Variants in PLXNA4 observed in about 807,000 individuals in gnomAD.
PLXNA4 encodes the protein plexin A4.
PLXNA4 carries 44 observed loss-of-function variants against 191.8 expected under a neutral mutation model. The ratio of observed to expected loss-of-function variants is 0.23; its 90% CI spans 0.18 to 0.29. The LOEUF (loss-of-function observed/expected upper bound fraction) is 0.29, where lower values mean the gene tolerates loss of function less well. PLXNA4 is among the 10% of genes least tolerant of loss of function. The pLI is 1.00. For missense variants in PLXNA4, 1,800 were observed against 2,488.8 expected, an observed-to-expected ratio of 0.72 and a Z score of 5.89; for synonymous variants, 1,082 against 1,009.5, an observed-to-expected ratio of 1.07 and a Z score of -1.36.
intron 1 of PLXNA4, among the ~76,000 whole-genome samples, chr7:132,647,084 A>T (rs1803885866): frequency 6.6e-6 from 1 of 150,520 alleles, no homozygotes; most frequent in African/African-American, 2.5e-5. Flanking sequence ...TACATTCACA[A>T]ACACCCACAT....
chr7:132,572,925 C>T (rs1420597659), intron 1 of PLXNA4, among the ~76,000 whole-genome samples: 2 of 152,168 alleles, frequency 1.3e-5, no homozygotes, highest in African/African-American at 2.4e-5. Flanking sequence ...ATTAGTGAGA[C>T]GTCTTTTTAA....
chr7:132,185,498 G>A, intron 15 of PLXNA4, 35 bp from the exon 16 acceptor site: 1 of 1,591,460 alleles, frequency 6.3e-7, no homozygotes, highest in Non-Finnish European at 8.5e-7. Context: ...TGGGCGCCTG[G>A]TGTTGAGGAG....
At chr7:132,392,429 C>T (rs1793535585) in intron 3 of PLXNA4, among the ~76,000 whole-genome samples, 1 of 152,214 alleles carries the variant, frequency 6.6e-6, no homozygotes, top group African/African-American at 2.4e-5. Flanking sequence ...AAAGTGCGGA[C>T]ACTGTTTCTC....
In PLXNA4 at chr7:132,127,351, A is replaced by G. The variant is rs938119802; in HGVS notation, c.*3128T>C. On this transcript the variant is annotated 3_prime_UTR_variant, in exon 32 of 32. Transcript: ENST00000321063. Reference sequence around the variant, plus strand: ...CGAGGGAGGCCGTGAAGGGGCCTCCATCCCACAGGACAAAGTTGGCCCAAT... The same window carrying G: ...CGAGGGAGGCCGTGAAGGGGCCTCCGTCCCACAGGACAAAGTTGGCCCAAT... 2.0e-5 allele frequency: 3 copies of G among 152,110 alleles called. No homozygotes were observed. The highest frequency in any genetic ancestry group is 7.2e-5 in the African/African-American group (3 of 41,424). The allele number at this position is 152,110 out of a possible 1,614,324, so 9.4% of individuals were successfully genotyped here. A position where few individuals can be genotyped will look rare whatever the true frequency, so the allele number is the denominator to read the frequency against.
At chr7:132,463,785 C>T (rs778376281) in intron 3 of PLXNA4, among the ~76,000 whole-genome samples, 9 of 152,194 alleles carry the variant, frequency 5.9e-5, no homozygotes, top group Admixed American at 6.5e-5. Flanking sequence ...TGCAAGCCAC[C>T]CCTCACAAGG....
chr7:132,501,557 G>A (rs370088784), intron 2 of PLXNA4, among the ~76,000 whole-genome samples: 21 of 152,162 alleles, frequency 1.4e-4, no homozygotes, highest in Admixed American at 3.9e-4. Flanking sequence ...CCTCAACTTT[G>A]CTCCTGCCAA....
intron 3 of PLXNA4, among the ~76,000 whole-genome samples, chr7:132,411,867 G>A (rs1025072077): frequency 1.3e-5 from 2 of 152,072 alleles, no homozygotes; most frequent in Non-Finnish European, 2.9e-5. Context: ...CAAATTCTAC[G>A]TCCAATCACA....
intron 3 of PLXNA4, among the ~76,000 whole-genome samples, chr7:132,311,486 G>A (rs992703268): frequency 3.9e-5 from 6 of 152,166 alleles, no homozygotes; most frequent in African/African-American, 1.4e-4. Flanking sequence ...AGTAAGTGGA[G>A]CACCACACTG....
intron 3 of PLXNA4, among the ~76,000 whole-genome samples, chr7:132,443,769 A>T (rs1795788750): frequency 6.6e-6 from 1 of 152,240 alleles, no homozygotes; most frequent in Non-Finnish European, 1.5e-5. Context: ...AACATGTGGC[A>T]TCTCCAGGGT....
At chr7:132,275,374 C>T (rs530331513) in intron 4 of PLXNA4, among the ~76,000 whole-genome samples, 5 of 152,130 alleles carry the variant, frequency 3.3e-5, no homozygotes, top group Admixed American at 6.5e-5. Context: ...CTTTAAAATG[C>T]GGGTATAGTT....
At chr7:132,219,393 C>A (rs967844583) in intron 9 of PLXNA4, among the ~76,000 whole-genome samples, 1 of 152,194 alleles carries the variant, frequency 6.6e-6, no homozygotes, top group African/African-American at 2.4e-5. Flanking sequence ...CTGCTTTCTA[C>A]TTACAATGAC....
In PLXNA4 at chr7:132,182,724, G is replaced by C. The variant is rs547318466; in HGVS notation, c.3159-534C>G. On this transcript the variant is annotated intron_variant, in intron 16 of 31. Transcript: ENST00000321063. ...AGGCTGAGATCTGGGAAAGGCAGAG[G>C]GTCCATGAATGCAAATGTGAATGCA... 3.3e-5 allele frequency among the ~76,000 whole-genome samples: 5 copies of C among 152,256 alleles called. No individual in the cohort carries two copies. In the East Asian group the frequency reaches 5.8e-4, roughly 18 times the overall value.
chr7:132,164,440 C>T lies in PLXNA4; in HGVS notation c.4354-152G>A, dbSNP rs564391064. ...ATACTCAGCTCTTCAATCTCCTTCTCTCCATCTCCTCATCCTTCAGGCTGG... is the reference window on the plus strand; with the variant it reads ...ATACTCAGCTCTTCAATCTCCTTCTTTCCATCTCCTCATCCTTCAGGCTGG... On this transcript the variant is annotated intron_variant, in intron 23 of 31. Coordinates refer to ENST00000321063, the MANE Select transcript of PLXNA4 (RefSeq NM_020911.2). 3.8e-5 allele frequency: 46 copies of T among 1,216,906 alleles called. No homozygotes were observed. The African/African-American group carries it at 6.4e-4, about 17-fold the overall frequency. 75.4% of individuals were successfully genotyped at this position (1,216,906 alleles called of 1,614,324 possible).
In PLXNA4 at chr7:132,478,020, T is replaced by G. The variant is rs564510397; in HGVS notation, c.1371+11272A>C. ...AAAAGAGATAAAGAAGCCCACAGCC[T>G]GGTTGAGGCAGGGAAGCCATCAGTA... On this transcript the variant is annotated intron_variant, in intron 3 of 31. Transcript: ENST00000321063. Among the ~76,000 whole-genome samples the G allele has an allele frequency of 3.9e-5, 6 of 152,330 alleles. No individual in the cohort carries two copies. In the South Asian group the frequency reaches 1.2e-3, roughly 32 times the overall value.
At chr7:132,169,127 T>C (rs936240797) in intron 21 of PLXNA4, among the ~76,000 whole-genome samples, 2 of 152,208 alleles carry the variant, frequency 1.3e-5, no homozygotes, top group African/African-American at 4.8e-5. Flanking sequence ...TTTCCTTCTC[T>C]GGGGGCCCAA....
intron 3 of PLXNA4, chr7:132,384,145 C>A (rs536020966): frequency 1.0e-6 from 1 of 985,402 alleles, no homozygotes; most frequent in East Asian, 1.1e-4. Context: ...TCATTCCCTC[C>A]CACAGGCCAG....
chr7:132,385,069 C>T, intron 3 of PLXNA4: 1 of 1,517,416 alleles, frequency 6.6e-7, no homozygotes, highest in Non-Finnish European at 8.8e-7. Context: ...GGTGGCAGGA[C>T]ATGAGCTATG....
intron 2 of PLXNA4, among the ~76,000 whole-genome samples, chr7:132,608,755 C>A (rs1286448098): frequency 3.3e-5 from 5 of 152,174 alleles, no homozygotes; most frequent in African/African-American, 1.2e-4. Context: ...TCTCGTGGTC[C>A]ATTCTCCCTG....
At chr7:132,546,536 A>T (rs1800313966) in intron 1 of PLXNA4, among the ~76,000 whole-genome samples, 2 of 152,208 alleles carry the variant, frequency 1.3e-5, no homozygotes, top group Admixed American at 6.5e-5. Context: ...TTAATTCACA[A>T]CCAGACACTC....
Sources: gnomAD v4.1 joint callset for allele counts (sites outside exome capture counted in the v4.1 genomes callset) on GRCh38, gnomAD v4.1.1 for gene constraint, MANE v1.5 for transcripts, NCBI Gene and HGNC (gene_info 2026-07-23, HGNC 2026-07-21) for gene names.